RUNX1: variants seen among roughly 807,000 people sequenced by gnomAD.
RUNX1 encodes RUNX family transcription factor 1, also known as runt-related transcription factor 1.
RUNX1 carries 19 observed loss-of-function variants against 42.8 expected under a neutral mutation model. The ratio of observed to expected loss-of-function variants is 0.44; its 90% CI spans 0.31 to 0.65. RUNX1 has a LOEUF of 0.65. Ranked by LOEUF, RUNX1 falls within the 30% of genes least tolerant of loss-of-function variation. The probability of loss-of-function intolerance (pLI) is 0.07; values close to 1 mark genes in which losing one functional copy is unlikely to be tolerated. For missense variants in RUNX1, 528 were observed against 672.0 expected, an observed-to-expected ratio of 0.79 and a Z score of 2.37; for synonymous variants, 271 against 289.4, an observed-to-expected ratio of 0.94 and a Z score of 0.64.
intron 2 of RUNX1, among the ~76,000 whole-genome samples, chr21:34,994,950 T>G (rs2058982143): frequency 6.6e-6 from 1 of 152,190 alleles, no homozygotes; most frequent in African/African-American, 2.4e-5. Context: ...GCAACGCCAT[T>G]GCAGGCAAGT....
intron 5 of RUNX1, among the ~76,000 whole-genome samples, chr21:34,862,152 A>T (rs924450918): frequency 6.6e-6 from 1 of 152,066 alleles, no homozygotes; most frequent in Non-Finnish European, 1.5e-5. Flanking sequence ...TGGTTCTTTC[A>T]GCAAGAGAGT....
rs772309464 is a variant in RUNX1 at position 34,859,376 on chromosome 21, G to A, written c.613+98C>T. ...GGGCCTGACATCCCCCTGGGGGAAA[G>A]GTTGAACCCAAGGAATCTGAGACAT... On this transcript the variant is annotated intron_variant, in intron 6 of 8. Transcript: ENST00000675419. The A allele has an allele frequency of 3.9e-4, 396 of 1,007,550 alleles. 1 individual carries two copies. The highest frequency in any genetic ancestry group is 6.1e-4 in the Middle Eastern group (3 of 4,916). 62.4% of individuals were successfully genotyped at this position (1,007,550 alleles called of 1,614,324 possible).
chr21:34,859,157 C>T (rs999824476), intron 6 of RUNX1, among the ~76,000 whole-genome samples: 2 of 152,202 alleles, frequency 1.3e-5, no homozygotes, highest in Admixed American at 1.3e-4. Flanking sequence ...CTATTTGTTT[C>T]TGATCCTGTT....
intron 2 of RUNX1, among the ~76,000 whole-genome samples, chr21:35,042,501 A>G (rs1365315294): frequency 6.6e-6 from 1 of 151,964 alleles, no homozygotes; most frequent in Admixed American, 6.6e-5. Flanking sequence ...GAAAGTGACA[A>G]CTCCATTGTC....
intron 5 of RUNX1, among the ~76,000 whole-genome samples, chr21:34,864,536 A>G (rs1248233392): frequency 1.3e-5 from 2 of 152,170 alleles, no homozygotes; most frequent in African/African-American, 2.4e-5. Context: ...AGGCCAGCAG[A>G]GGCTTTGGTC....
chr21:34,880,032 C>T (rs1487003770), intron 5 of RUNX1, among the ~76,000 whole-genome samples: 1 of 152,184 alleles, frequency 6.6e-6, no homozygotes, highest in Non-Finnish European at 1.5e-5. Flanking sequence ...ATGGTACTAA[C>T]ATTATTTCTT....
chr21:34,967,164 C>CA lies in RUNX1; in HGVS notation c.59-74202dup, dbSNP rs554147227. Among the ~76,000 whole-genome samples, 402 of 150,428 alleles carry CA rather than the reference C, an allele frequency of 2.7e-3. 4 individuals are homozygous for CA. Among genetic ancestry groups the CA allele is most frequent in the African/African-American group, 8.6e-3 (354 of 41,026 alleles). ...TGAAACCCTATCTCTACTAAAAATA[C>CA]AAAAAATTAGCCAGGCATGGTGGCA... On this transcript the variant is annotated intron_variant, in intron 2 of 8. Coordinates refer to ENST00000675419, the MANE Select transcript of RUNX1 (RefSeq NM_001754.5).
In RUNX1 at chr21:34,849,309, A is replaced by G. The variant is rs1185144209; in HGVS notation, c.613+10165T>C. ...ATATTATATATAAAATATATAATAT[A>G]TATTATATATATATTATATATACTA... On this transcript the variant is annotated intron_variant, in intron 6 of 8. Coordinates refer to ENST00000675419, the MANE Select transcript of RUNX1 (RefSeq NM_001754.5). 2.9e-4 allele frequency among the ~76,000 whole-genome samples: 15 copies of G among 50,914 alleles called. 2 individuals carry two copies. The highest frequency in any genetic ancestry group is 2.7e-3 in the South Asian group (5 of 1,884). 33.4% of individuals were successfully genotyped at this position (50,914 alleles called of 152,430 possible).
At chr21:34,874,505 GA>G (rs2057785157) in intron 5 of RUNX1, among the ~76,000 whole-genome samples, 1 of 150,626 alleles carries the variant, frequency 6.6e-6, no homozygotes, top group African/African-American at 2.5e-5. Context: ...AGCTACTTGG[GA>G]GGCCGAGGTA....
At chr21:34,992,157 C>T (rs993887515) in intron 2 of RUNX1, among the ~76,000 whole-genome samples, 7 of 152,208 alleles carry the variant, frequency 4.6e-5, no homozygotes, top group East Asian at 3.8e-4. Context: ...GTGAAGCGGG[C>T]GGTGTCTCCA....
chr21:34,922,500 T>G (rs2058361438), intron 2 of RUNX1, among the ~76,000 whole-genome samples: 1 of 152,174 alleles, frequency 6.6e-6, no homozygotes, highest in South Asian at 2.1e-4. Context: ...TCTTAACTAC[T>G]CTGTTACATT....
chr21:34,959,404 T>C (rs1177469176), intron 2 of RUNX1, among the ~76,000 whole-genome samples: 2 of 152,100 alleles, frequency 1.3e-5, no homozygotes, highest in African/African-American at 2.4e-5. Context: ...ATCTACCTCA[T>C]AGGATTCTGA....
intron 7 of RUNX1, among the ~76,000 whole-genome samples, chr21:34,800,546 C>T (rs2056593662): frequency 6.6e-6 from 1 of 152,310 alleles, no homozygotes; most frequent in South Asian, 2.1e-4. Context: ...TAGGAAAATA[C>T]TGGGTATAAG....
chr21:34,921,934 T>C (rs910293569), intron 2 of RUNX1, among the ~76,000 whole-genome samples: 2 of 152,178 alleles, frequency 1.3e-5, no homozygotes, highest in Non-Finnish European at 2.9e-5. Context: ...ATACCAGGCC[T>C]ACATAATTGA....
intron 7 of RUNX1, among the ~76,000 whole-genome samples, chr21:34,813,808 G>A (rs1043512230): frequency 1.8e-4 from 27 of 151,958 alleles, no homozygotes; most frequent in African/African-American, 6.5e-4. Flanking sequence ...GAATGATAGA[G>A]CAGAAAGCAA....
chr21:34,811,116 G>A (rs1402477445), intron 7 of RUNX1, among the ~76,000 whole-genome samples: 2 of 152,172 alleles, frequency 1.3e-5, no homozygotes, highest in Non-Finnish European at 2.9e-5. Context: ...TTTACAAATC[G>A]AGGATTCACT....
intron 2 of RUNX1, among the ~76,000 whole-genome samples, chr21:34,930,268 A>ATGTGTATGTG (rs141115974): frequency 1.3e-4 from 16 of 121,280 alleles, no homozygotes; most frequent in Admixed American, 5.7e-4. Flanking sequence ...GTGTGTGTGT[A>ATGTGTATGTG]TGTATATATA....
At position 34,873,817 on chromosome 21, in the gene RUNX1, G is replaced by A. The variant is rs765712090; in HGVS notation, c.508+6740C>T. ...TCAACAGAGATCAAAATACATCTCC[G>A]TTGAATGTAGGACTCACAGCAGAAC... On this transcript the variant is annotated intron_variant, in intron 5 of 8. Coordinates refer to ENST00000675419, the MANE Select transcript of RUNX1 (RefSeq NM_001754.5). Among the ~76,000 whole-genome samples, 128 of 152,214 alleles carry A rather than the reference G, an allele frequency of 8.4e-4. 1 individual carries two copies. The highest frequency in any genetic ancestry group is 2.9e-4 in the Non-Finnish European group (20 of 68,030).
intron 2 of RUNX1, among the ~76,000 whole-genome samples, chr21:35,025,452 A>G (rs1323290083): frequency 6.6e-6 from 1 of 152,130 alleles, no homozygotes. Flanking sequence ...GATTCAAGAG[A>G]GAGCCAAGTT....
Sources: allele counts gnomAD v4.1 joint callset (sites outside exome capture counted in the v4.1 genomes callset), GRCh38; gene constraint gnomAD v4.1.1; transcripts MANE v1.5; gene names NCBI Gene and HGNC (gene_info 2026-07-23, HGNC 2026-07-21).